The following ATP8A2 variants were observed in gnomAD, a reference collection of about 807,000 sequenced individuals.
ATP8A2 encodes phospholipid-transporting ATPase IB.
A neutral mutation model predicts 165.6 loss-of-function variants in ATP8A2; 100 were observed. The observed-to-expected ratio is 0.60, with a 90% CI of 0.51 to 0.71. The LOEUF (loss-of-function observed/expected upper bound fraction) is 0.71. Among genes scored for constraint, ATP8A2 ranks in the 30% least tolerant of loss-of-function variants. ATP8A2 has a pLI of 0.00. For missense variants in ATP8A2, 1,227 were observed against 1,479.5 expected (o/e 0.83, Z 2.80); for synonymous variants, 543 against 548.8 (o/e 0.99, Z 0.15).
chr13:25,475,472 T>C (rs973875524), intron 2 of ATP8A2, among the ~76,000 whole-genome samples: 2 of 152,242 alleles, frequency 1.3e-5, no homozygotes, highest in Admixed American at 1.3e-4. Flanking sequence ...AGTGCTTCAG[T>C]GAGCATTCGA....
chr13:25,585,080 C>T (rs764877960), intron 23 of ATP8A2, among the ~76,000 whole-genome samples: 3 of 152,056 alleles, frequency 2.0e-5, no homozygotes, highest in Admixed American at 6.5e-5. Context: ...AATCAAGTTC[C>T]AAGACATGTG....
chr13:25,750,601 C>T lies in ATP8A2; in HGVS notation c.2385-18445C>T, dbSNP rs1446790741. Among the ~76,000 whole-genome samples, 1 of 152,106 alleles carries T rather than the reference C, an allele frequency of 6.6e-6. No individual in the cohort carries two copies. The highest frequency in any genetic ancestry group is 1.5e-5 in the Non-Finnish European group (1 of 68,032). On this transcript the variant is annotated intron_variant, in intron 25 of 36. Coordinates refer to ENST00000381655, the MANE Select transcript of ATP8A2 (RefSeq NM_016529.6). The surrounding 1 kb of genome is among the most constrained non-coding windows in gnomAD (Gnocchi z 4.3). ...TTCAGCAGGGCCCTTCGCCCCACCA[C>T]GTGATGGGATTCTAGAAATGAGTGT...
chr13:25,892,484 C>G (rs562791208), intron 33 of ATP8A2, among the ~76,000 whole-genome samples: 37 of 150,980 alleles, frequency 2.5e-4, no homozygotes, highest in Non-Finnish European at 4.9e-4. Context: ...CTCTGTCTCT[C>G]TCTCTCTCTC....
At chr13:25,661,130 T>C (rs759913291) in intron 24 of ATP8A2, among the ~76,000 whole-genome samples, 4 of 152,178 alleles carry the variant, frequency 2.6e-5, no homozygotes, top group Non-Finnish European at 5.9e-5. Flanking sequence ...TAGATTCCTC[T>C]ATTGGAATGC....
At chr13:25,875,030 G>C (rs969713019) in intron 33 of ATP8A2, among the ~76,000 whole-genome samples, 18 of 151,916 alleles carry the variant, frequency 1.2e-4, no homozygotes, top group Admixed American at 8.5e-4. Context: ...AATACTCTAT[G>C]GTTCTGCTTG....
chr13:25,702,701 A>C (rs2042976699), intron 25 of ATP8A2, among the ~76,000 whole-genome samples: 1 of 152,164 alleles, frequency 6.6e-6, no homozygotes, highest in African/African-American at 2.4e-5. Flanking sequence ...CATACATCCC[A>C]ATTCCTTGAA....
intron 33 of ATP8A2, among the ~76,000 whole-genome samples, chr13:25,931,339 A>G (rs1021533887): frequency 1.3e-5 from 2 of 152,214 alleles, no homozygotes; most frequent in African/African-American, 4.8e-5. Context: ...ATGTATATGC[A>G]ATTATTCCAA....
At chr13:25,580,049 C>G in intron 22 of ATP8A2, 102 bp downstream of exon 22, 1 of 1,333,740 alleles carries the variant, frequency 7.5e-7, no homozygotes, top group Non-Finnish European at 1.0e-6. Flanking sequence ...GGGATGTTCT[C>G]TTTTCTTGTG....
intron 25 of ATP8A2, among the ~76,000 whole-genome samples, chr13:25,755,803 A>C (rs1304001799): frequency 1.3e-5 from 2 of 152,074 alleles, no homozygotes; most frequent in African/African-American, 4.8e-5. Context: ...GCTACTTGGG[A>C]GGCTGATGTA....
Position 25,756,091 on chromosome 13 carries a change from C to G in ATP8A2, c.2385-12955C>G, listed in dbSNP as rs115659851. Among the ~76,000 whole-genome samples, 1,448 of 152,312 alleles carry G rather than the reference C, an allele frequency of 9.5e-3. 28 individuals are homozygous for G. The highest frequency in any genetic ancestry group is 0.033 in the African/African-American group (1,377 of 41,566). On this transcript the variant is annotated intron_variant, in intron 25 of 36. Coordinates refer to ENST00000381655, the MANE Select transcript of ATP8A2 (RefSeq NM_016529.6). ...AGAGGGGAAGGGCACTCCCAGCCAG[C>G]ACTAGCTCTCAGCCTGGATGGTGTC...
chr13:25,992,434 T>C (rs1456553146), intron 35 of ATP8A2, among the ~76,000 whole-genome samples: 1 of 152,006 alleles, frequency 6.6e-6, no homozygotes, highest in Admixed American at 6.6e-5. Flanking sequence ...GTTTTGAGAG[T>C]TATTTATATG....
At chr13:25,660,173 G>A (rs143905027) in intron 24 of ATP8A2, among the ~76,000 whole-genome samples, 1 of 152,214 alleles carries the variant, frequency 6.6e-6, no homozygotes, top group East Asian at 1.9e-4. Flanking sequence ...GAAGCCAGTG[G>A]GTTCCTTTCA....
chr13:25,396,609 G>A (rs2033434240), intron 1 of ATP8A2, among the ~76,000 whole-genome samples: 1 of 152,138 alleles, frequency 6.6e-6, no homozygotes, highest in Non-Finnish European at 1.5e-5. Flanking sequence ...ACCCCGGGTA[G>A]CCTGCAATCA....
intron 27 of ATP8A2, among the ~76,000 whole-genome samples, chr13:25,800,089 C>T (rs1950590395): frequency 6.6e-6 from 1 of 152,182 alleles, no homozygotes; most frequent in African/African-American, 2.4e-5. Flanking sequence ...TAATGTCCAC[C>T]AACTCCTAAG....
intron 25 of ATP8A2, among the ~76,000 whole-genome samples, chr13:25,764,805 G>A (rs1323030410): frequency 6.6e-6 from 1 of 152,276 alleles, no homozygotes; most frequent in South Asian, 2.1e-4. Flanking sequence ...GGTCTCTAGG[G>A]GGTTCCTGGG....
intron 24 of ATP8A2, among the ~76,000 whole-genome samples, chr13:25,697,703 G>T (rs2042864159): frequency 6.6e-6 from 1 of 152,184 alleles, no homozygotes. Context: ...TTGTTCATAA[G>T]AAAAGTGCTA....
intron 25 of ATP8A2, 109 bp downstream of exon 25, chr13:25,699,454 A>C: frequency 1.2e-6 from 1 of 853,538 alleles, no homozygotes; most frequent in Non-Finnish European, 1.7e-6. Context: ...TTTGTATCTA[A>C]AAAAGGCAAA....
In ATP8A2 at chr13:25,862,246, G is replaced by A. The variant is rs1055966513; in HGVS notation, c.3076-55G>A. 21 of 1,315,252 alleles carry A rather than the reference G, an allele frequency of 1.6e-5. No homozygotes were observed. In the Admixed American group the frequency reaches 2.1e-4, roughly 13 times the overall value. 81.5% of individuals were successfully genotyped at this position (1,315,252 alleles called of 1,614,324 possible). A position where few individuals can be genotyped will look rare whatever the true frequency, so the allele number is the denominator to read the frequency against. On this transcript the variant is annotated intron_variant, in intron 32 of 36. Transcript: ENST00000381655. ...GGATTCTGCAGCAAGTGGAGTTGGG[G>A]TGAATCTGCCAGGCTGGTCGAGAAG...
chr13:25,534,957 G>C (rs1428758907), intron 6 of ATP8A2, among the ~76,000 whole-genome samples: 3 of 152,122 alleles, frequency 2.0e-5, no homozygotes, highest in African/African-American at 7.2e-5. Context: ...GCACACTCAA[G>C]AACCACCGGT....
Sources: gnomAD v4.1 joint callset for allele counts (sites outside exome capture counted in the v4.1 genomes callset) on GRCh38, gnomAD v4.1.1 for gene constraint, Gnocchi (gnomAD v3.1) non-coding constraint, MANE v1.5 for transcripts, NCBI Gene and HGNC (gene_info 2026-07-23, HGNC 2026-07-21) for gene names.